ZNRF3: variants seen among roughly 807,000 people sequenced by gnomAD.
ZNRF3 encodes zinc and ring finger 3, also known as E3 ubiquitin-protein ligase ZNRF3.
In ZNRF3, 23 loss-of-function variants were observed where a neutral mutation model predicts 72.5. That is an observed-to-expected ratio of 0.32 (90% CI 0.23 to 0.45). ZNRF3 has a LOEUF of 0.45. Ranked by LOEUF, ZNRF3 falls within the 20% of genes least tolerant of loss-of-function variation. The pLI is 1.00. For synonymous variants in ZNRF3, 610 were observed against 545.3 expected (o/e 1.12, Z -1.65); for missense variants, 1,169 against 1,272.1 (o/e 0.92, Z 1.23).
At position 28,883,909 on chromosome 22, in the gene ZNRF3, CG is replaced by C; in HGVS notation, c.147del (p.Gly51AlafsTer71). On this transcript the variant is annotated frameshift_variant, in exon 1 of 9. Transcript: ENST00000544604. LOFTEE classifies it high-confidence loss of function. The surrounding 1 kb of genome is among the most constrained non-coding windows in gnomAD (Gnocchi z 5.5). ...PLLLGLLLAA[A>X]GPGAARAKET... is the part of the protein sequence containing the mutation. ...CTGCTCGGGCTGCTGCTGGCGGCCG[CG>C]GGGCCCGGCGCGGCGCGGGCCAAGG... 2 of 1,153,510 alleles carry C rather than the reference CG, an allele frequency of 1.7e-6. No homozygotes were observed. Among genetic ancestry groups the C allele is most frequent in the Admixed American group, 3.4e-5 (1 of 29,572 alleles). 71.5% of individuals were successfully genotyped at this position (1,153,510 alleles called of 1,614,324 possible). A position where few individuals can be genotyped will look rare whatever the true frequency, so the allele number is the denominator to read the frequency against.
intron 1 of ZNRF3, among the ~76,000 whole-genome samples, chr22:28,922,893 T>G (rs1201761228): frequency 6.6e-6 from 1 of 151,946 alleles, no homozygotes; most frequent in Non-Finnish European, 1.5e-5. Context: ...GCAGAAGAGG[T>G]GTAAAGACAC....
At chr22:28,925,028 C>T (rs1356013328) in intron 1 of ZNRF3, among the ~76,000 whole-genome samples, 2 of 152,162 alleles carry the variant, frequency 1.3e-5, no homozygotes, top group Non-Finnish European at 2.9e-5. Context: ...AGATGGTATC[C>T]CTGCCTTTAG....
chr22:29,029,923 A>C (rs1362053618), intron 2 of ZNRF3, among the ~76,000 whole-genome samples: 1 of 152,200 alleles, frequency 6.6e-6, no homozygotes, highest in African/African-American at 2.4e-5. Context: ...TAGTTGCCAT[A>C]TGCATTGAAG....
intron 8 of ZNRF3, among the ~76,000 whole-genome samples, chr22:29,051,727 T>C (rs978500070): frequency 6.6e-6 from 1 of 150,664 alleles, no homozygotes; most frequent in Non-Finnish European, 1.5e-5. Flanking sequence ...GCCAATATGG[T>C]GAAACCCCAT....
chr22:28,895,917 A>G (rs966041234), intron 1 of ZNRF3, among the ~76,000 whole-genome samples: 7 of 151,938 alleles, frequency 4.6e-5, no homozygotes, highest in African/African-American at 1.7e-4. Context: ...CTCATTTGGG[A>G]GTGCCTTTTC....
At chr22:29,006,216 T>TTTC (rs1555982448) in intron 2 of ZNRF3, among the ~76,000 whole-genome samples, 1 of 145,878 alleles carries the variant, frequency 6.9e-6, no homozygotes, top group East Asian at 2.0e-4. Context: ...TCCGTTTCTT[T>TTTC]TTTTTTTTTT....
At chr22:29,019,115 G>T (rs374786100) in intron 2 of ZNRF3, among the ~76,000 whole-genome samples, 2 of 151,834 alleles carry the variant, frequency 1.3e-5, no homozygotes, top group Admixed American at 1.3e-4. Flanking sequence ...GTTCCCAGCC[G>T]CAAGAGAGGG....
At chr22:28,898,135 A>G (rs948535268) in intron 1 of ZNRF3, among the ~76,000 whole-genome samples, 30 of 151,914 alleles carry the variant, frequency 2.0e-4, no homozygotes, top group African/African-American at 7.3e-4. Flanking sequence ...TTTCGTAGAG[A>G]GGGGGTTTTG....
At chr22:29,008,663 A>G (rs9608719) in intron 2 of ZNRF3, among the ~76,000 whole-genome samples, 77,692 of 152,036 alleles carry the variant, frequency 0.51, 20,024 homozygotes, top group East Asian at 0.56. Flanking sequence ...TGTGTGTGGA[A>G]AGTGCATTGG....
At chr22:28,968,338 T>G (rs1286061309) in intron 1 of ZNRF3, among the ~76,000 whole-genome samples, 3 of 152,264 alleles carry the variant, frequency 2.0e-5, no homozygotes, top group Admixed American at 2.0e-4. Context: ...CTGCCTGTTG[T>G]GTTTTATATT....
In ZNRF3 at chr22:29,050,441, A is replaced by G; in HGVS notation, c.2260A>G (p.Ser754Gly). The G allele has an allele frequency of 6.2e-7, 1 of 1,609,976 alleles. No individual in the cohort carries two copies. Among genetic ancestry groups the G allele is most frequent in the East Asian group, 2.2e-5 (1 of 44,774 alleles). ...GPAGGEPQSG[S>G]SQGLYGLHPD... Reference sequence around the variant, plus strand: ...GGCGGGTGGGGAGCCCCAGTCAGGAAGCTCCCAGGGCTTGTACGGCCTTCA... The same window carrying G: ...GGCGGGTGGGGAGCCCCAGTCAGGAGGCTCCCAGGGCTTGTACGGCCTTCA... The change falls in exon 8 of 9, where the codon AGC becomes GGC. Residue 754 changes from serine to glycine, a missense_variant. By Grantham distance (56) the Ser-to-Gly change is moderately conservative (BLOSUM62 0). Around this residue, in one of 2 missense-constraint regions of ZNRF3, gnomAD observed 783 missense variants for 731.4 expected, o/e 1.07. Coordinates refer to ENST00000544604, the MANE Select transcript of ZNRF3 (RefSeq NM_001206998.2).
At chr22:28,893,372 C>T (rs531666477) in intron 1 of ZNRF3, among the ~76,000 whole-genome samples, 1 of 152,132 alleles carries the variant, frequency 6.6e-6, no homozygotes, top group Non-Finnish European at 1.5e-5. Flanking sequence ...TTTATGCACC[C>T]GTGGTATAAT....
intron 1 of ZNRF3, among the ~76,000 whole-genome samples, chr22:28,928,295 C>T (rs1378086417): frequency 3.3e-5 from 5 of 151,898 alleles, no homozygotes; most frequent in South Asian, 2.1e-4. Flanking sequence ...TTTTTTTACC[C>T]GCGTTTTTAC....
chr22:29,016,025 A>G (rs1336397829), intron 2 of ZNRF3, among the ~76,000 whole-genome samples: 1 of 138,896 alleles, frequency 7.2e-6, no homozygotes. Context: ...AAAAAAAAAA[A>G]AAAACAAAAA....
intron 1 of ZNRF3, among the ~76,000 whole-genome samples, chr22:28,918,491 C>CG (rs1569245303): frequency 6.7e-6 from 1 of 148,818 alleles, no homozygotes; most frequent in African/African-American, 2.5e-5. Context: ...TGGGTGCGTG[C>CG]GTGTGTGTGT....
At chr22:29,045,512 A>G (rs925619385) in intron 5 of ZNRF3, among the ~76,000 whole-genome samples, 5 of 152,172 alleles carry the variant, frequency 3.3e-5, no homozygotes, top group Admixed American at 2.0e-4. Flanking sequence ...TCTTTGAGAC[A>G]AGATCTCATT....
At chr22:29,047,009 G>A (rs543680246) in intron 6 of ZNRF3, 126 bp downstream of exon 6, 1 of 957,480 alleles carries the variant, frequency 1.0e-6, no homozygotes, top group Non-Finnish European at 1.4e-6. Flanking sequence ...TCACTCTTCT[G>A]AAAATTCTGA....
At chr22:29,022,318 T>C (rs2036555485) in intron 2 of ZNRF3, among the ~76,000 whole-genome samples, 1 of 152,202 alleles carries the variant, frequency 6.6e-6, no homozygotes, top group Non-Finnish European at 1.5e-5. Flanking sequence ...TGTAACTTCA[T>C]CTGTTAGCTG....
intron 2 of ZNRF3, among the ~76,000 whole-genome samples, 187 bp from the exon 3 acceptor site, chr22:29,042,308 C>G (rs1451253919): frequency 6.6e-6 from 1 of 152,152 alleles, no homozygotes; most frequent in Non-Finnish European, 1.5e-5. Context: ...ATTGTTAACT[C>G]TAGTCATCAG....
Sources: allele counts gnomAD v4.1 joint callset (sites outside exome capture counted in the v4.1 genomes callset), GRCh38; gene constraint gnomAD v4.1.1; regional missense constraint gnomAD v4.1.1; non-coding constraint Gnocchi (gnomAD v3.1); transcripts MANE v1.5; gene names NCBI Gene and HGNC (gene_info 2026-07-23, HGNC 2026-07-21).